PRRT4: variants seen among roughly 807,000 people sequenced by gnomAD.
PRRT4 encodes proline-rich transmembrane protein 4.
A neutral mutation model predicts 55.6 loss-of-function variants in PRRT4; 59 were observed. That is an observed-to-expected ratio of 1.06 (90% CI 0.86 to 1.32). The LOEUF (loss-of-function observed/expected upper bound fraction) is 1.32. PRRT4 is among the 40% of genes most tolerant of loss of function. The pLI, the probability that PRRT4 is intolerant of heterozygous loss-of-function variation, is 0.00. For synonymous variants in PRRT4, 606 were observed against 601.8 expected, an observed-to-expected ratio of 1.01 and a Z score of -0.10; for missense variants, 1,217 against 1,222.0, an observed-to-expected ratio of 1.00 and a Z score of 0.06.
exon 5 of PRRT4, chr7:128,350,949 C>T (rs1177449612): frequency 6.4e-7 from 1 of 1,550,736 alleles, no homozygotes. Context: ...CCTCGGCCTG[C>T]AGCTCAGAAG....
chr7:128,351,096 G>A, exon 5 of PRRT4: 1 of 1,548,834 alleles, frequency 6.5e-7, no homozygotes, highest in South Asian at 1.2e-5. Flanking sequence ...TGTCGGGGCT[G>A]GAACACAGCA....
At chr7:128,351,539 C>T in exon 5 of PRRT4, 4 of 1,482,252 alleles carry the variant, frequency 2.7e-6, no homozygotes, top group Non-Finnish European at 3.6e-6. Context: ...TGCAGCAGCT[C>T]CGCGTCCCCG....
rs571493333 is a variant in PRRT4, at chr7:128,350,923, T to C, written c.2633A>G (p.Glu878Gly). The C allele has an allele frequency of 1.3e-4, 196 of 1,550,820 alleles. 1 individual carries two copies. Among genetic ancestry groups the C allele is most frequent in the Middle Eastern group, 1.2e-3 (7 of 5,990 alleles). ...CTGTCGGCAGGCGTCCAGGAACTGC[T>C]CCTGCAGCAAGGCCTCCTCGGCCTG... The change falls in exon 5 of 5, where the codon GAG (glutamate) becomes GGG (glycine). Residue 878 changes from glutamate to glycine, a missense_variant. Transcript: ENST00000535159.
intron 4 of PRRT4, among the ~76,000 whole-genome samples, chr7:128,356,830 C>G (rs1394637188): frequency 6.6e-6 from 1 of 152,178 alleles, no homozygotes; most frequent in African/African-American, 2.4e-5. Flanking sequence ...GTGGCCTGGC[C>G]CCATCCCTCT....
At chr7:128,357,680 AC>A (rs1797145630) in intron 4 of PRRT4, among the ~76,000 whole-genome samples, 2 of 152,298 alleles carry the variant, frequency 1.3e-5, no homozygotes, top group South Asian at 4.1e-4. Flanking sequence ...AGCTGGGGAG[AC>A]CAGTGGTTTC....
intron 4 of PRRT4, among the ~76,000 whole-genome samples, chr7:128,357,489 C>T (rs531526191): frequency 6.6e-6 from 1 of 152,134 alleles, no homozygotes; most frequent in Non-Finnish European, 1.5e-5. Context: ...AGACTGCCAG[C>T]CAGCATCCTT....
exon 2 of PRRT4, chr7:128,359,912 G>C (rs1331917661): frequency 6.9e-7 from 1 of 1,457,110 alleles, no homozygotes; most frequent in Non-Finnish European, 9.1e-7. Flanking sequence ...TGGGATGGAG[G>C]GGGTGGGCTG....
rs1213955379 is a variant in PRRT4, at chr7:128,358,552, T to C, written c.877+129A>G. 2.4e-6 allele frequency: 2 copies of C among 833,070 alleles called. No homozygotes were observed. The highest frequency in any genetic ancestry group is 1.9e-6 in the Non-Finnish European group (1 of 525,026). The allele number at this position is 833,070 out of a possible 1,614,324, so 51.6% of individuals were successfully genotyped here. A position where few individuals can be genotyped will look rare whatever the true frequency, so the allele number is the denominator to read the frequency against. ...CCATTCATATATATCTCCACGGTGA[T>C]GATGAAGAGAATGATGATTATGATT... is the stretch of plus-strand genomic sequence containing the variant. On this transcript the variant is annotated intron_variant, in intron 4 of 4. Transcript: ENST00000535159. This position sits in a 1 kb window ranked among gnomAD's most constrained non-coding sequence, Gnocchi z 4.4.
chr7:128,361,103 T>TCACACACA (rs71160634), intron 1 of PRRT4, among the ~76,000 whole-genome samples: 11 of 77,510 alleles, frequency 1.4e-4, no homozygotes, highest in South Asian at 5.3e-4. Context: ...TCTCTCTCTC[T>TCACACACA]CACACACACA....
intron 4 of PRRT4, among the ~76,000 whole-genome samples, chr7:128,354,023 C>T (rs569580540): frequency 9.8e-5 from 15 of 152,302 alleles, no homozygotes; most frequent in African/African-American, 3.6e-4. Context: ...CTGCCCTCAC[C>T]TACAGATTCA....
At chr7:128,351,346 C>T in exon 5 of PRRT4, 1 of 1,547,080 alleles carries the variant, frequency 6.5e-7, no homozygotes, top group Non-Finnish European at 8.7e-7. Flanking sequence ...GGCCTCGCTG[C>T]AGAGGGCCTC....
chr7:128,352,600 C>A (rs1797019436), exon 5 of PRRT4: 2 of 1,543,554 alleles, frequency 1.3e-6, no homozygotes, highest in Non-Finnish European at 1.7e-6. Flanking sequence ...CCCTGGCCCA[C>A]ACTCTGGCTG....
intron 1 of PRRT4, among the ~76,000 whole-genome samples, chr7:128,360,870 G>A (rs1009288389): frequency 2.6e-5 from 4 of 151,962 alleles, no homozygotes; most frequent in African/African-American, 4.8e-5. Context: ...GTGGGGGAAG[G>A]GAGGGTGAGC....
chr7:128,361,076 GTCTCTCTCTC>G (rs71160633), intron 1 of PRRT4, among the ~76,000 whole-genome samples: 4 of 100,444 alleles, frequency 4.0e-5, no homozygotes, highest in African/African-American at 1.2e-4. Context: ...GGCCTCCCCT[GTCTCTCTCTC>G]TCTCTCTCTC....
exon 2 of PRRT4, chr7:128,359,564 G>A (rs551167765): frequency 1.3e-6 from 2 of 1,495,278 alleles, no homozygotes; most frequent in East Asian, 2.5e-5. Context: ...ATAGGGGGCA[G>A]TGGGCCCATC....
chr7:128,361,267 G>GCGCACA (rs1797250392), intron 1 of PRRT4, 39 bp downstream of exon 2: 1 of 151,462 alleles, frequency 6.6e-6, no homozygotes, highest in Non-Finnish European at 1.5e-5. Context: ...ACACACGCGC[G>GCGCACA]CGCACACGCA....
At chr7:128,354,398 T>C (rs1157030889) in intron 4 of PRRT4, among the ~76,000 whole-genome samples, 1 of 152,140 alleles carries the variant, frequency 6.6e-6, no homozygotes, top group East Asian at 1.9e-4. Flanking sequence ...ACCCCATCTC[T>C]ACTAAAAATA....
chr7:128,357,449 T>C (rs1366421812), intron 4 of PRRT4, among the ~76,000 whole-genome samples: 1 of 152,134 alleles, frequency 6.6e-6, no homozygotes, highest in Non-Finnish European at 1.5e-5. Context: ...TCATTAAACC[T>C]GCCTGGCCAG....
intron 4 of PRRT4, among the ~76,000 whole-genome samples, chr7:128,353,503 T>C (rs1235019950): frequency 6.6e-6 from 1 of 152,114 alleles, no homozygotes; most frequent in Non-Finnish European, 1.5e-5. Flanking sequence ...AAGACAATGC[T>C]GTCTCAGCAC....
Sources: gnomAD v4.1 joint callset for allele counts (sites outside exome capture counted in the v4.1 genomes callset) on GRCh38, gnomAD v4.1.1 for gene constraint, Gnocchi (gnomAD v3.1) non-coding constraint, MANE v1.5 for transcripts, NCBI Gene and HGNC (gene_info 2026-07-23, HGNC 2026-07-21) for gene names.